Variants in CARD14 observed in about 807,000 individuals in gnomAD.
The protein encoded by CARD14 is caspase recruitment domain family member 14, also known as caspase recruitment domain-containing protein 14.
In CARD14, 107 loss-of-function variants were observed where a neutral mutation model predicts 111.5. That is an observed-to-expected ratio of 0.96 (90% CI 0.82 to 1.13). CARD14 has a LOEUF of 1.13. Among genes scored for constraint, CARD14 ranks in the 50% most tolerant of loss-of-function variants. The pLI, the probability that CARD14 is intolerant of heterozygous loss-of-function variation, is 0.00. For missense variants in CARD14, 1,322 were observed against 1,362.3 expected (o/e 0.97, Z 0.47); for synonymous variants, 617 against 579.6 (o/e 1.06, Z -0.93).
At chr17:80,190,629 A>AGG in intron 9 of CARD14, 145 bp from the exon 10 acceptor site, 1 of 749,588 alleles carries the variant, frequency 1.3e-6, no homozygotes, top group Non-Finnish European at 1.9e-6. Context: ...AAAAAAAAAA[A>AGG]GAGAGAGAGA....
intron 2 of CARD14, among the ~76,000 whole-genome samples, chr17:80,173,837 T>A (rs1046505031): frequency 6.6e-6 from 1 of 152,120 alleles, no homozygotes; most frequent in South Asian, 2.1e-4. Flanking sequence ...GACCTTATGA[T>A]CTGCCCACCT....
Position 80,195,480 on chromosome 17 carries a change from G to A in CARD14, c.1500-78G>A. ...GAAGCCCCAGAGCTGGCAGGTGCTG[G>A]GGGCCAGTGCTTGGGGCGTGGGGAC... On this transcript the variant is annotated intron_variant, in intron 13 of 23. Transcript: ENST00000648509. The surrounding 1 kb of genome is among the most constrained non-coding windows in gnomAD (Gnocchi z 4.7). 2 of 1,515,610 alleles carry A rather than the reference G, an allele frequency of 1.3e-6. No homozygotes were observed. The highest frequency in any genetic ancestry group is 8.9e-7 in the Non-Finnish European group (1 of 1,121,904). The allele number at this position is 1,515,610 out of a possible 1,614,324, so 93.9% of individuals were successfully genotyped here. A position where few individuals can be genotyped will look rare whatever the true frequency, so the allele number is the denominator to read the frequency against.
chr17:80,176,537 GC>G (rs1266167761), intron 2 of CARD14, among the ~76,000 whole-genome samples: 1 of 150,480 alleles, frequency 6.6e-6, no homozygotes, highest in Non-Finnish European at 1.5e-5. Flanking sequence ...GTGTGCAATC[GC>G]CGCCACAGTT....
chr17:80,197,565 AAGAC>A (rs971643402), intron 14 of CARD14: 2 of 154,116 alleles, frequency 1.3e-5, no homozygotes, highest in African/African-American at 4.8e-5. Context: ...GAAAGAAAGA[AAGAC>A]AGGCCAGTGC....
intron 22 of CARD14, 110 bp from the exon 23 acceptor site, chr17:80,206,860 C>A: frequency 1.7e-6 from 1 of 598,134 alleles, no homozygotes; most frequent in Non-Finnish European, 2.9e-6. Context: ...TGCCCAGCTC[C>A]TGCCCTGCCC....
intron 4 of CARD14, 51 bp from the exon 5 acceptor site, chr17:80,181,368 C>T: frequency 1.4e-6 from 2 of 1,400,256 alleles, no homozygotes; most frequent in East Asian, 2.5e-5. Flanking sequence ...CCCTGGCTAT[C>T]CTGGGGTCCT....
At chr17:80,174,774 T>C (rs1383708788) in intron 2 of CARD14, among the ~76,000 whole-genome samples, 1 of 152,114 alleles carries the variant, frequency 6.6e-6, no homozygotes, top group Admixed American at 6.6e-5. Context: ...TGCTGAGGAC[T>C]CCCAGGGAAG....
intron 4 of CARD14, among the ~76,000 whole-genome samples, chr17:80,180,423 A>G (rs2040132978): frequency 6.6e-6 from 1 of 152,150 alleles, no homozygotes; most frequent in Non-Finnish European, 1.5e-5. Context: ...GCTGGCCGTT[A>G]CTACCCTGAA....
intron 2 of CARD14, among the ~76,000 whole-genome samples, chr17:80,174,041 A>G (rs1460792625): frequency 6.6e-6 from 1 of 152,194 alleles, no homozygotes; most frequent in Non-Finnish European, 1.5e-5. Context: ...TAGTGACATT[A>G]TGTAAAATCA....
At chr17:80,202,663 T>G in intron 18 of CARD14, 1 of 1,331,422 alleles carries the variant, frequency 7.5e-7, no homozygotes, top group Non-Finnish European at 9.8e-7. Context: ...AGCTCTGGGT[T>G]TCTTAGCTTT....
intron 16 of CARD14, among the ~76,000 whole-genome samples, chr17:80,199,958 T>C (rs987623350): frequency 4.6e-5 from 7 of 151,536 alleles, no homozygotes; most frequent in Non-Finnish European, 8.8e-5. Flanking sequence ...ATGTGCAAGA[T>C]GGGCTTCACC....
Position 80,201,497 on chromosome 17 carries a change from C to T in CARD14, c.1852-247C>T. 1 of 525,826 alleles carries T rather than the reference C, an allele frequency of 1.9e-6. No homozygotes were observed. Among genetic ancestry groups the T allele is most frequent in the South Asian group, 2.3e-5 (1 of 44,276 alleles). The allele number at this position is 525,826 out of a possible 1,614,324, so 32.6% of individuals were successfully genotyped here. On this transcript the variant is annotated intron_variant, in intron 16 of 23. Transcript: ENST00000648509. The surrounding 1 kb of genome is among the most constrained non-coding windows in gnomAD (Gnocchi z 5.0). ...GGAAAGTGCTTATCACAAAGAACCCCCGATCTCGACTGGGGAAGGGTTGGC... is the reference window on the plus strand; with the variant it reads ...GGAAAGTGCTTATCACAAAGAACCCTCGATCTCGACTGGGGAAGGGTTGGC...
Position 80,195,493 on chromosome 17 carries a change from G to C in CARD14, c.1500-65G>C. The C allele has an allele frequency of 1.3e-6, 2 of 1,533,032 alleles. No individual in the cohort carries two copies. The highest frequency in any genetic ancestry group is 8.8e-7 in the Non-Finnish European group (1 of 1,132,584). The allele number at this position is 1,533,032 out of a possible 1,614,324, so 95.0% of individuals were successfully genotyped here. A position where few individuals can be genotyped will look rare whatever the true frequency, so the allele number is the denominator to read the frequency against. On this transcript the variant is annotated intron_variant, in intron 13 of 23. Transcript: ENST00000648509. The surrounding 1 kb of genome is among the most constrained non-coding windows in gnomAD (Gnocchi z 4.7). ...TGGCAGGTGCTGGGGGCCAGTGCTT[G>C]GGGCGTGGGGACTCAGAGGGAGCAG...
At chr17:80,197,983 C>T in intron 14 of CARD14, 116 bp from the exon 15 acceptor site, 1 of 973,958 alleles carries the variant, frequency 1.0e-6, no homozygotes, top group South Asian at 1.3e-5. Context: ...CAGGACGCCC[C>T]ATCAGCAGTG....
chr17:80,176,184 C>A (rs1005014686), intron 2 of CARD14, among the ~76,000 whole-genome samples: 5 of 149,332 alleles, frequency 3.3e-5, no homozygotes, highest in African/African-American at 1.2e-4. Context: ...AATCCTAGCA[C>A]TTTCGGAGGC....
chr17:80,180,411 G>A (rs568447780), intron 4 of CARD14, among the ~76,000 whole-genome samples: 4 of 152,226 alleles, frequency 2.6e-5, no homozygotes, highest in Admixed American at 1.3e-4. Context: ...CAGCCGAGCC[G>A]TGCTGGCCGT....
Position 80,188,808 on chromosome 17 carries a change from G to A in CARD14, c.843+264G>A, listed in dbSNP as rs943157393. 7.9e-6 allele frequency: 2 copies of A among 253,096 alleles called. No homozygotes were observed. Among genetic ancestry groups the A allele is most frequent in the Admixed American group, 5.6e-5 (1 of 17,918 alleles). The allele number at this position is 253,096 out of a possible 1,614,324, so 15.7% of individuals were successfully genotyped here. A position where few individuals can be genotyped will look rare whatever the true frequency, so the allele number is the denominator to read the frequency against. ...GCTCATTCCTGTAATCCCAGCACTT[G>A]GGAGGCCAAGATGGGCAAGATAGCT... On this transcript the variant is annotated intron_variant, in intron 8 of 23. Coordinates refer to ENST00000648509, the MANE Select transcript of CARD14 (RefSeq NM_001366385.1). This position sits in a 1 kb window ranked among gnomAD's most constrained non-coding sequence, Gnocchi z 4.5.
chr17:80,180,597 G>A (rs2040139860), intron 4 of CARD14, among the ~76,000 whole-genome samples: 1 of 152,060 alleles, frequency 6.6e-6, no homozygotes, highest in South Asian at 2.1e-4. Context: ...TGTTTTTTTA[G>A]ACAGAGTCTT....
rs577482241 is a variant in CARD14, at chr17:80,198,135, C to T, written c.1631C>T (p.Ser544Phe). The T allele has an allele frequency of 1.1e-5, 17 of 1,613,924 alleles. No homozygotes were observed. In the East Asian group the frequency reaches 3.8e-4, roughly 36 times the overall value. ...CTGGAAAGCAGCCTGCAGCCAGTCT[C>T]CCCTGGAAGGCTTGATGTCTCGGAG... ...PQLESSLQPV[S>F]PGRLDVSESG... Residue 544 changes from serine to phenylalanine, a missense_variant, in exon 15 of 24, where the codon TCC becomes TTC. Transcript: ENST00000648509. This position sits in a 1 kb window ranked among gnomAD's most constrained non-coding sequence, Gnocchi z 7.5.
Sources: gnomAD v4.1 joint callset for allele counts (sites outside exome capture counted in the v4.1 genomes callset) on GRCh38, gnomAD v4.1.1 for gene constraint, Gnocchi (gnomAD v3.1) non-coding constraint, MANE v1.5 for transcripts, NCBI Gene and HGNC (gene_info 2026-07-23, HGNC 2026-07-21) for gene names.